Variants in TMPRSS15 observed in about 807,000 individuals in gnomAD.
The protein encoded by TMPRSS15 is transmembrane serine protease 15.
In TMPRSS15, 128 loss-of-function variants were observed where a neutral mutation model predicts 125.3. The ratio of observed to expected loss-of-function variants is 1.02; its 90% CI spans 0.89 to 1.18. TMPRSS15 has a LOEUF of 1.18. TMPRSS15 is among the 50% of genes most tolerant of loss of function. The probability of loss-of-function intolerance (pLI) is 0.00; values close to 1 mark genes in which losing one functional copy is unlikely to be tolerated. For synonymous variants in TMPRSS15, 446 were observed against 423.2 expected (o/e 1.05, Z -0.66); for missense variants, 1,283 against 1,212.7 (o/e 1.06, Z -0.86).
chr21:18,319,368 G>C (rs969963581), intron 16 of TMPRSS15, among the ~76,000 whole-genome samples: 1 of 148,282 alleles, frequency 6.7e-6, no homozygotes, highest in Non-Finnish European at 1.5e-5. Context: ...ATACGCAGTA[G>C]ATAATATTTT....
At chr21:18,372,777 G>A (rs918385412) in intron 5 of TMPRSS15, among the ~76,000 whole-genome samples, 1 of 152,190 alleles carries the variant, frequency 6.6e-6, no homozygotes, top group Non-Finnish European at 1.5e-5. Context: ...GGGGTACACT[G>A]TAAACACACC....
At chr21:18,395,590 C>A (rs537941429) in intron 3 of TMPRSS15, among the ~76,000 whole-genome samples, 1 of 152,222 alleles carries the variant, frequency 6.6e-6, no homozygotes. Context: ...TATATACTTG[C>A]CATTTTTCTT....
chr21:18,329,133 T>C (rs2075320352), intron 15 of TMPRSS15, 36 bp downstream of exon 15: 1 of 1,609,900 alleles, frequency 6.2e-7, no homozygotes, highest in African/African-American at 1.3e-5. Context: ...CATCTTGAGC[T>C]TTACAACCTT....
intron 21 of TMPRSS15, among the ~76,000 whole-genome samples, chr21:18,284,777 G>T (rs986346102): frequency 2.0e-5 from 3 of 152,112 alleles, no homozygotes; most frequent in Non-Finnish European, 4.4e-5. Context: ...GAGGCAGGTG[G>T]ATCACCTGAG....
In TMPRSS15 at chr21:18,269,863, A is replaced by T; in HGVS notation, c.*106T>A. On this transcript the variant is annotated 3_prime_UTR_variant, in exon 25 of 25. Transcript: ENST00000284885. ...TTCATTGACATAGGTAAGAATAAAA[A>T]CCTTTGGTAACTTTTTAAAATTTTT... is the stretch of plus-strand genomic sequence containing the variant. 2 of 1,422,108 alleles carry T rather than the reference A, an allele frequency of 1.4e-6. No individual in the cohort carries two copies. Among genetic ancestry groups the T allele is most frequent in the South Asian group, 2.5e-5 (2 of 79,828 alleles). 88.1% of individuals were successfully genotyped at this position (1,422,108 alleles called of 1,614,324 possible).
chr21:18,333,960 G>A (rs1468006287), intron 13 of TMPRSS15, among the ~76,000 whole-genome samples: 10 of 152,136 alleles, frequency 6.6e-5, no homozygotes, highest in African/African-American at 2.2e-4. Flanking sequence ...TTTGAAGAAT[G>A]CAGAAAACTG....
chr21:18,330,604 T>C (rs1205125028), intron 14 of TMPRSS15, among the ~76,000 whole-genome samples: 3 of 152,196 alleles, frequency 2.0e-5, no homozygotes, highest in Admixed American at 1.3e-4. Flanking sequence ...TCACCATCTA[T>C]ACTGTGCTAC....
intron 1 of TMPRSS15, among the ~76,000 whole-genome samples, chr21:18,454,576 G>A (rs1025089211): frequency 3.3e-5 from 5 of 152,106 alleles, no homozygotes; most frequent in African/African-American, 9.7e-5. Flanking sequence ...GGAGCCAACG[G>A]TGTAACTCTT....
Position 18,279,474 on chromosome 21 carries a change from C to T in TMPRSS15, c.2669-415G>A, listed in dbSNP as rs1490482992. ...CCGAGTAGCTGGGACTACAGGCGCC[C>T]GCCACCACGCCTGGCTAATTTTTTT... is the stretch of plus-strand genomic sequence containing the variant. On this transcript the variant is annotated intron_variant, in intron 22 of 24. Coordinates refer to ENST00000284885, the MANE Select transcript of TMPRSS15 (RefSeq NM_002772.3). 7.3e-5 allele frequency among the ~76,000 whole-genome samples: 11 copies of T among 150,480 alleles called. No homozygotes were observed. The South Asian group carries it at 1.7e-3, about 23-fold the overall frequency.
chr21:18,466,901 A>G (rs1411423121), intron 1 of TMPRSS15, among the ~76,000 whole-genome samples: 1 of 152,194 alleles, frequency 6.6e-6, no homozygotes, highest in Non-Finnish European at 1.5e-5. Flanking sequence ...CAGCAATCAC[A>G]TTACTGGGTA....
intron 21 of TMPRSS15, among the ~76,000 whole-genome samples, chr21:18,284,494 C>CT (rs1472252680): frequency 6.6e-6 from 1 of 152,130 alleles, no homozygotes. Flanking sequence ...AACTTCCTAG[C>CT]TTTTTTATAT....
chr21:18,344,091 C>T (rs1310720833), intron 10 of TMPRSS15, 31 bp from the exon 11 acceptor site: 2 of 1,553,592 alleles, frequency 1.3e-6, no homozygotes, highest in Admixed American at 3.3e-5. Context: ...ATTTATTTCA[C>T]TTAAATATTG....
At chr21:18,330,844 G>A (rs2075337153) in intron 14 of TMPRSS15, among the ~76,000 whole-genome samples, 2 of 152,030 alleles carry the variant, frequency 1.3e-5, no homozygotes, top group African/African-American at 4.8e-5. Flanking sequence ...AGGCCGAGAA[G>A]GGCAGATCAT....
chr21:18,462,042 T>G (rs1978560732), intron 1 of TMPRSS15, among the ~76,000 whole-genome samples: 2 of 152,140 alleles, frequency 1.3e-5, no homozygotes, highest in African/African-American at 4.8e-5. Flanking sequence ...CAATTTACCC[T>G]TCCTAATGTG....
chr21:18,370,786 G>A (rs972937365), intron 6 of TMPRSS15, among the ~76,000 whole-genome samples: 2 of 152,100 alleles, frequency 1.3e-5, no homozygotes, highest in Non-Finnish European at 2.9e-5. Flanking sequence ...CCGGGAAACA[G>A]ACCAAATGCC....
At chr21:18,398,956 G>GA (rs201501542) in intron 1 of TMPRSS15, among the ~76,000 whole-genome samples, 38 of 149,632 alleles carry the variant, frequency 2.5e-4, no homozygotes, top group East Asian at 1.6e-3. Flanking sequence ...ACCTCACTAG[G>GA]AAAAAAAAAT....
chr21:18,453,582 C>A (rs1341651907), intron 1 of TMPRSS15, among the ~76,000 whole-genome samples: 1 of 152,144 alleles, frequency 6.6e-6, no homozygotes, highest in Non-Finnish European at 1.5e-5. Context: ...GCTTATTTTG[C>A]AGTTTATGCA....
chr21:18,468,487 G>T (rs1021923665), intron 1 of TMPRSS15, among the ~76,000 whole-genome samples: 1 of 152,022 alleles, frequency 6.6e-6, no homozygotes, highest in Middle Eastern at 3.4e-3. Flanking sequence ...AATTTCTGGT[G>T]CATAAACAGA....
At chr21:18,456,277 TC>T (rs1421512320) in intron 1 of TMPRSS15, among the ~76,000 whole-genome samples, 2 of 152,222 alleles carry the variant, frequency 1.3e-5, no homozygotes, top group East Asian at 3.9e-4. Flanking sequence ...CATTTACAAA[TC>T]CTAAAATAGA....
Sources: allele counts gnomAD v4.1 joint callset (sites outside exome capture counted in the v4.1 genomes callset), GRCh38; gene constraint gnomAD v4.1.1; transcripts MANE v1.5; gene names NCBI Gene and HGNC (gene_info 2026-07-23, HGNC 2026-07-21).